The following ADAMTS17 variants were observed in gnomAD, a reference collection of about 807,000 sequenced individuals.
ADAMTS17 encodes the protein ADAM metallopeptidase with thrombospondin type 1 motif 17.
In ADAMTS17, 113 loss-of-function variants were observed where a neutral mutation model predicts 141.5. That is an observed-to-expected ratio of 0.80 (90% CI 0.69 to 0.93). The LOEUF is 0.93. Ranked by LOEUF, ADAMTS17 falls within the 40% of genes least tolerant of loss-of-function variation. ADAMTS17 has a pLI of 0.00. For synonymous variants in ADAMTS17, 768 were observed against 630.6 expected (o/e 1.22, Z -3.27); for missense variants, 1,659 against 1,517.9 (o/e 1.09, Z -1.54).
chr15:100,320,737 G>A (rs1292704647), intron 3 of ADAMTS17, among the ~76,000 whole-genome samples: 1 of 152,162 alleles, frequency 6.6e-6, no homozygotes, highest in East Asian at 1.9e-4. Context: ...AAAGGTTAAG[G>A]TAGGAGGATC....
At chr15:100,291,418 A>G (rs1160874851) in intron 3 of ADAMTS17, among the ~76,000 whole-genome samples, 1 of 152,266 alleles carries the variant, frequency 6.6e-6, no homozygotes, top group Non-Finnish European at 1.5e-5. Flanking sequence ...AATTAGTTTC[A>G]GCTACTATGA....
rs143738584 is a variant in ADAMTS17 at position 100,236,751 on chromosome 15, T to C, written c.1075+17385A>G. On this transcript the variant is annotated intron_variant, in intron 7 of 21. Transcript: ENST00000268070. ...TACTCAGGAGGCTGAAGTGGGAGGA[T>C]TGCTTGAGCCCAGGAGGTCGAGGCT... 2.6e-3 allele frequency among the ~76,000 whole-genome samples: 390 copies of C among 152,110 alleles called. 2 individuals carry two copies. Among genetic ancestry groups the C allele is most frequent in the African/African-American group, 8.6e-3 (358 of 41,484 alleles).
intron 10 of ADAMTS17, among the ~76,000 whole-genome samples, chr15:100,139,790 G>C (rs4627319): frequency 0.24 from 36,340 of 152,076 alleles, 5,106 homozygotes; most frequent in East Asian, 0.36. Context: ...TCAAGGTCAT[G>C]AAAGAAAAGG....
Position 100,221,587 on chromosome 15 carries a change from T to C in ADAMTS17, c.1076-22164A>G, listed in dbSNP as rs144844153. ...CCTCCCTTTAATTACAATACATGAGTCTTCCCTTGCTCTAAAATCAGCCAT... is the reference window on the plus strand; with the variant it reads ...CCTCCCTTTAATTACAATACATGAGCCTTCCCTTGCTCTAAAATCAGCCAT... On this transcript the variant is annotated intron_variant, in intron 7 of 21. Coordinates refer to ENST00000268070, the MANE Select transcript of ADAMTS17 (RefSeq NM_139057.4). Among the ~76,000 whole-genome samples, 686 of 152,226 alleles carry C rather than the reference T, an allele frequency of 4.5e-3. 3 individuals carry two copies. The highest frequency in any genetic ancestry group is 0.015 in the African/African-American group (626 of 41,514).
At chr15:100,311,928 A>G (rs900939244) in intron 3 of ADAMTS17, among the ~76,000 whole-genome samples, 5 of 152,200 alleles carry the variant, frequency 3.3e-5, no homozygotes, top group African/African-American at 1.2e-4. Flanking sequence ...CGGATCAAGA[A>G]TGCATGGTTT....
intron 8 of ADAMTS17, among the ~76,000 whole-genome samples, chr15:100,193,463 G>C (rs991396386): frequency 6.6e-6 from 1 of 152,180 alleles, no homozygotes; most frequent in African/African-American, 2.4e-5. Flanking sequence ...CCAGCACTGG[G>C]GCCTTGGAGG....
At chr15:100,153,049 G>A (rs1301270644) in intron 9 of ADAMTS17, among the ~76,000 whole-genome samples, 1 of 152,226 alleles carries the variant, frequency 6.6e-6, no homozygotes, top group Non-Finnish European at 1.5e-5. Context: ...TTACTGGGGA[G>A]TCTGAAAGCT....
intron 7 of ADAMTS17, among the ~76,000 whole-genome samples, chr15:100,224,000 G>A (rs1451508646): frequency 2.0e-5 from 3 of 152,086 alleles, no homozygotes; most frequent in African/African-American, 7.3e-5. Flanking sequence ...CGTAGGCTGG[G>A]AGGCTTGGCC....
At chr15:100,269,282 C>A (rs2043822659) in intron 4 of ADAMTS17, among the ~76,000 whole-genome samples, 2 of 152,166 alleles carry the variant, frequency 1.3e-5, no homozygotes. Context: ...CAAGTGAGAT[C>A]TATTAAACTA....
intron 8 of ADAMTS17, among the ~76,000 whole-genome samples, chr15:100,184,493 T>C (rs1295064697): frequency 1.3e-5 from 2 of 152,200 alleles, no homozygotes; most frequent in Non-Finnish European, 2.9e-5. Context: ...GAAGGTTACC[T>C]TTACGTTTTT....
intron 10 of ADAMTS17, among the ~76,000 whole-genome samples, chr15:100,147,070 T>C (rs1024604218): frequency 1.3e-5 from 2 of 152,164 alleles, no homozygotes; most frequent in African/African-American, 4.8e-5. Context: ...CTGAAGTACT[T>C]GATGTCTGTG....
At chr15:100,108,609 C>G (rs927583268) in intron 14 of ADAMTS17, among the ~76,000 whole-genome samples, 11 of 152,226 alleles carry the variant, frequency 7.2e-5, no homozygotes, top group African/African-American at 2.7e-4. Flanking sequence ...CTGGCGTGAC[C>G]TGCACAGGCA....
In ADAMTS17 at chr15:100,341,127, G is replaced by A. The variant is rs2046351800; in HGVS notation, c.362C>T (p.Pro121Leu). ...EAGAARRRGR[P>L]AELCFYSGRV... ...GCCCGAGTAGAAGCACAGCTCGGCG[G>A]GGCGGCCGCGGCGCCGGGCCGCGCC... The change falls in exon 2 of 22, where the codon CCC becomes CTC. Residue 121 changes from proline (P) to leucine (L), a missense_variant. Pro to Leu is a moderately conservative substitution (Grantham distance 98). Transcript: ENST00000268070. 2 of 1,439,798 alleles carry A rather than the reference G, an allele frequency of 1.4e-6. No homozygotes were observed. Among genetic ancestry groups the A allele is most frequent in the Non-Finnish European group, 1.8e-6 (2 of 1,105,312 alleles). The allele number at this position is 1,439,798 out of a possible 1,614,324, so 89.2% of individuals were successfully genotyped here. A position where few individuals can be genotyped will look rare whatever the true frequency, so the allele number is the denominator to read the frequency against.
At chr15:100,095,146 C>G (rs2035683819) in intron 15 of ADAMTS17, among the ~76,000 whole-genome samples, 1 of 152,332 alleles carries the variant, frequency 6.6e-6, no homozygotes, top group Non-Finnish European at 1.5e-5. Context: ...CCCAAACCAA[C>G]CTGCTCCTGC....
intron 7 of ADAMTS17, among the ~76,000 whole-genome samples, chr15:100,224,443 G>T (rs938861217): frequency 6.6e-6 from 1 of 152,154 alleles, no homozygotes; most frequent in African/African-American, 2.4e-5. Flanking sequence ...AAGGGTAAAA[G>T]AATTGAGATA....
intron 8 of ADAMTS17, among the ~76,000 whole-genome samples, chr15:100,161,547 T>C (rs1000570457): frequency 4.6e-5 from 7 of 152,226 alleles, no homozygotes; most frequent in Admixed American, 3.3e-4. Flanking sequence ...TAGATGCTTA[T>C]TGACTTTGCA....
rs192364087 is a variant in ADAMTS17 at position 100,124,670 on chromosome 15, C to T, written c.1721+7337G>A. 2.5e-3 allele frequency among the ~76,000 whole-genome samples: 381 copies of T among 152,342 alleles called. 1 individual carries two copies. The highest frequency in any genetic ancestry group is 0.017 in the Middle Eastern group (5 of 294). On this transcript the variant is annotated intron_variant, in intron 12 of 21. Transcript: ENST00000268070. ...AACACACATGCTCGACCGTGATGAG[C>T]AATACTGTGCACGGAGCTGTGCTTC...
chr15:100,094,372 G>A (rs182914613), intron 15 of ADAMTS17, among the ~76,000 whole-genome samples: 1 of 152,384 alleles, frequency 6.6e-6, no homozygotes. Flanking sequence ...GCCCAGGCCG[G>A]AGTGGATGGA....
chr15:100,251,851 G>C (rs1431106541), intron 7 of ADAMTS17, among the ~76,000 whole-genome samples: 1 of 152,184 alleles, frequency 6.6e-6, no homozygotes, highest in Non-Finnish European at 1.5e-5. Context: ...CGCACACAGA[G>C]GAAAGGCCAC....
Sources: gnomAD v4.1 joint callset for allele counts (sites outside exome capture counted in the v4.1 genomes callset) on GRCh38, gnomAD v4.1.1 for gene constraint, MANE v1.5 for transcripts, NCBI Gene and HGNC (gene_info 2026-07-23, HGNC 2026-07-21) for gene names.